Variants in NIBAN3 observed in about 807,000 individuals in gnomAD.
NIBAN3 encodes protein Niban 3.
Under a neutral mutation model 76.4 loss-of-function variants are expected in NIBAN3, and 66 were observed. The observed-to-expected ratio is 0.86, with a 90% CI of 0.71 to 1.06. The LOEUF is 1.06. Among genes scored for constraint, NIBAN3 ranks in the 50% least tolerant of loss-of-function variants. NIBAN3 has a pLI of 0.00. For missense variants in NIBAN3, 808 were observed against 810.7 expected, an observed-to-expected ratio of 1.00 and a Z score of 0.04; for synonymous variants, 360 against 355.2, an observed-to-expected ratio of 1.01 and a Z score of -0.15.
chr19:17,527,294 C>A lies in NIBAN3; in HGVS notation c.-47C>A. On this transcript the variant is annotated 5_prime_UTR_variant, in exon 1 of 15. Transcript: ENST00000599164. The stretch of plus-strand genomic sequence containing the variant: ...GTGCCCCTGAGCCGAGGAACGCAGG[C>A]GGTGGTCGTGGGGAAGGGAAGAGGA... 1 of 1,550,528 alleles carries A rather than the reference C, an allele frequency of 6.4e-7. No homozygotes were observed. Among genetic ancestry groups the A allele is most frequent in the Non-Finnish European group, 8.7e-7 (1 of 1,146,792 alleles).
At chr19:17,532,432 T>A (rs2075746871) in intron 3 of NIBAN3, 44 bp downstream of exon 3, 1 of 1,613,736 alleles carries the variant, frequency 6.2e-7, no homozygotes, top group Non-Finnish European at 8.5e-7. Flanking sequence ...GGTCCCTCCT[T>A]CCCACCCCCG....
intron 2 of NIBAN3, 54 bp from the exon 3 acceptor site, chr19:17,532,209 C>T: frequency 6.4e-7 from 1 of 1,563,550 alleles, no homozygotes; most frequent in East Asian, 2.2e-5. Flanking sequence ...GTGGTCGGGC[C>T]ACAGGGACAT....
chr19:17,546,250 A>AT (rs1292132309), intron 12 of NIBAN3: 1 of 157,890 alleles, frequency 6.3e-6, no homozygotes, highest in Non-Finnish European at 1.4e-5. Context: ...ATATATAATC[A>AT]TATCTAATAT....
Position 17,553,426 on chromosome 19 carries a change from T to C in NIBAN3, c.*1528T>C. The C allele has an allele frequency of 6.2e-7, 1 of 1,614,234 alleles. No individual in the cohort carries two copies. The highest frequency in any genetic ancestry group is 1.7e-5 in the Admixed American group (1 of 60,016). ...CTGGATATTGGCAGCTTCTCTGCTG[T>C]CTTGCAGCTGCTTCCGGAGTGGGTT... On this transcript the variant is annotated 3_prime_UTR_variant, in exon 15 of 15. Transcript: ENST00000599164.
intron 13 of NIBAN3, among the ~76,000 whole-genome samples, chr19:17,548,038 T>C (rs534424110): frequency 6.6e-6 from 1 of 152,372 alleles, no homozygotes; most frequent in Admixed American, 6.5e-5. Context: ...TGGGCTGGCA[T>C]TGAGGCCCTA....
intron 14 of NIBAN3, among the ~76,000 whole-genome samples, 185 bp from the exon 15 acceptor site, chr19:17,551,600 GT>G (rs1362019143): frequency 3.4e-4 from 51 of 151,958 alleles, no homozygotes; most frequent in Admixed American, 3.3e-3. Context: ...TAAAGATGAG[GT>G]TTCACCATGT....
chr19:17,542,234 A>G lies in NIBAN3; in HGVS notation c.1269A>G (p.Ala423=), dbSNP rs2075967744. The change falls in exon 10 of 15, where the codon GCA becomes GCG. Residue 423 remains alanine, a synonymous_variant. Coordinates refer to ENST00000599164, the MANE Select transcript of NIBAN3 (RefSeq NM_001321827.2). The surrounding 1 kb of genome is among the most constrained non-coding windows in gnomAD (Gnocchi z 4.8). ...RSRGRLGQLA[A]PFGFLGMQSL... ...GGGGGCGCTTGGGGCAGCTGGCAGC[A>G]CCGTTTGGCTTTCTGGGGATGCAGA... The G allele has an allele frequency of 6.2e-7, 1 of 1,609,198 alleles. No homozygotes were observed. The highest frequency in any genetic ancestry group is 8.5e-7 in the Non-Finnish European group (1 of 1,179,776).
At chr19:17,526,418 G>A (rs758758607), upstream of NIBAN3, among the ~76,000 whole-genome samples, 16 of 151,790 alleles carry the variant, frequency 1.1e-4, no homozygotes, top group Non-Finnish European at 1.5e-4. Context: ...CGAGGTGGGC[G>A]GATCACTTGA....
intron 14 of NIBAN3, among the ~76,000 whole-genome samples, chr19:17,550,484 T>C (rs1005230365): frequency 2.6e-5 from 4 of 152,008 alleles, no homozygotes; most frequent in East Asian, 1.9e-4. Context: ...CTGGACAACA[T>C]AGCAAGACCC....
In NIBAN3 at chr19:17,532,202, G is replaced by T. The variant is rs771749453; in HGVS notation, c.187-61G>T. ...CCAGGATACAGCGGGTGTCTGGGTGGTCGGGCCACAGGGACATCAGCCCAC... is the reference window on the plus strand; with the variant it reads ...CCAGGATACAGCGGGTGTCTGGGTGTTCGGGCCACAGGGACATCAGCCCAC... On this transcript the variant is annotated intron_variant, in intron 2 of 14. Coordinates refer to ENST00000599164, the MANE Select transcript of NIBAN3 (RefSeq NM_001321827.2). 280 of 1,549,378 alleles carry T rather than the reference G, an allele frequency of 1.8e-4. 1 individual carries two copies. The Middle Eastern group carries it at 2.4e-3, about 13-fold the overall frequency.
chr19:17,530,252 T>C (rs147993220), intron 1 of NIBAN3, among the ~76,000 whole-genome samples: 26 of 151,746 alleles, frequency 1.7e-4, no homozygotes, highest in South Asian at 1.0e-3. Context: ...GCCCAGGAAG[T>C]AGAGGTTGCA....
chr19:17,543,245 C>CAG, intron 10 of NIBAN3, 72 bp from the exon 11 acceptor site: 2 of 975,092 alleles, frequency 2.1e-6, no homozygotes, highest in South Asian at 3.2e-5. Context: ...GAGAAGGGGT[C>CAG]AGCTGGGCAG....
chr19:17,555,271 C>A (rs2076202376), downstream of NIBAN3, among the ~76,000 whole-genome samples: 1 of 152,168 alleles, frequency 6.6e-6, no homozygotes, highest in African/African-American at 2.4e-5. Context: ...ATGGCAAAAC[C>A]CACGTTGCAG....
chr19:17,536,833 G>C (rs1009683015), intron 4 of NIBAN3, among the ~76,000 whole-genome samples: 1 of 152,082 alleles, frequency 6.6e-6, no homozygotes, highest in Non-Finnish European at 1.5e-5. Context: ...CCTAGTCATA[G>C]AGCTAGAAAG....
At chr19:17,538,510 C>A (rs908955466) in intron 5 of NIBAN3, among the ~76,000 whole-genome samples, 4 of 151,124 alleles carry the variant, frequency 2.6e-5, no homozygotes, top group African/African-American at 9.7e-5. Flanking sequence ...GTGGTCTCAG[C>A]TACTCAGGAG....
chr19:17,539,412 G>C lies in NIBAN3; in HGVS notation c.777G>C (p.Leu259=). ...PALRAQTLPG[L]RGAGRARAWA... is the part of the protein sequence containing the mutation. ...TGCGAGCCCAGACCCTTCCTGGCCT[G>C]CGGGGGGCAGGCCGCGCCCGCGCCT... Residue 259 remains leucine (L), a synonymous_variant, in exon 7 of 15, where the codon CTG becomes CTC. Transcript: ENST00000599164. 2 of 1,524,174 alleles carry C rather than the reference G, an allele frequency of 1.3e-6. No individual in the cohort carries two copies. The highest frequency in any genetic ancestry group is 1.8e-6 in the Non-Finnish European group (2 of 1,139,238). The allele number at this position is 1,524,174 out of a possible 1,614,324, so 94.4% of individuals were successfully genotyped here. A position where few individuals can be genotyped will look rare whatever the true frequency, so the allele number is the denominator to read the frequency against.
chr19:17,532,404 G>C lies in NIBAN3; in HGVS notation c.312+16G>C, dbSNP rs1472055594. 5.6e-6 allele frequency: 9 copies of C among 1,614,182 alleles called. No homozygotes were observed. Among genetic ancestry groups the C allele is most frequent in the Non-Finnish European group, 7.6e-6 (9 of 1,180,038 alleles). ...CCACAAGGAGGTGCGTGATTGGCAC[G>C]TGGCCTTTCTACTTCTGGGTCCCTC... On this transcript the variant is annotated intron_variant, in intron 3 of 14. Transcript: ENST00000599164.
In NIBAN3 at chr19:17,530,763, G is replaced by A; in HGVS notation, c.64G>A (p.Asp22Asn). 1 of 1,610,672 alleles carries A rather than the reference G, an allele frequency of 6.2e-7. No homozygotes were observed. Among genetic ancestry groups the A allele is most frequent in the Non-Finnish European group, 8.5e-7 (1 of 1,177,830 alleles). ...TCCCCTTGTCCCTGCAGGTCAGGTGGACACCCTGCTGAGGAACTTCCTGCC... is the reference window on the plus strand; with the variant it reads ...TCCCCTTGTCCCTGCAGGTCAGGTGAACACCCTGCTGAGGAACTTCCTGCC... ...QQRQHLRGQVDTLLRNFLPCY... is the reference protein window; with the variant it reads ...QQRQHLRGQVNTLLRNFLPCY... Residue 22 changes from aspartate to asparagine, a missense_variant, in exon 2 of 15, where the codon GAC becomes AAC. Transcript: ENST00000599164.
At chr19:17,539,808 A>C in intron 8 of NIBAN3, 43 bp downstream of exon 8, 1 of 1,429,790 alleles carries the variant, frequency 7.0e-7, no homozygotes, top group Non-Finnish European at 9.4e-7. Flanking sequence ...GGGCGAGGCG[A>C]TGCTGGGGAA....
Sources: allele counts gnomAD v4.1 joint callset (sites outside exome capture counted in the v4.1 genomes callset), GRCh38; gene constraint gnomAD v4.1.1; non-coding constraint Gnocchi (gnomAD v3.1); transcripts MANE v1.5; gene names NCBI Gene and HGNC (gene_info 2026-07-23, HGNC 2026-07-21).